The following TNR variants were observed in gnomAD, a reference collection of about 807,000 sequenced individuals.
TNR encodes the protein tenascin-R.
Under a neutral mutation model 150.4 loss-of-function variants are expected in TNR, and 45 were observed. The observed-to-expected ratio is 0.30, with a 90% CI of 0.24 to 0.38. The LOEUF is 0.38. TNR is among the 10% of genes least tolerant of loss of function. TNR has a pLI of 1.00. For synonymous variants in TNR, 687 were observed against 678.4 expected (o/e 1.01, Z -0.20); for missense variants, 1,544 against 1,759.1 (o/e 0.88, Z 2.19).
At chr1:175,649,639 C>T (rs368118264) in intron 1 of TNR, among the ~76,000 whole-genome samples, 32 of 152,214 alleles carry the variant, frequency 2.1e-4, no homozygotes, top group African/African-American at 7.0e-4. Flanking sequence ...CCAGGCATCA[C>T]TTCTTCACAG....
chr1:175,471,451 C>T (rs1026700136), intron 2 of TNR, among the ~76,000 whole-genome samples: 1 of 152,180 alleles, frequency 6.6e-6, no homozygotes, highest in Non-Finnish European at 1.5e-5. Context: ...TGTATGTAGC[C>T]TATTGCTCCT....
At chr1:175,741,905 CACTTGAAGAAAGTGA>C (rs1477799637) in intron 1 of TNR, among the ~76,000 whole-genome samples, 3 of 152,168 alleles carry the variant, frequency 2.0e-5, no homozygotes, top group Non-Finnish European at 4.4e-5. Context: ...TGTCTCAACA[CACTTGAAGAAAGTGA>C]CCAGAACCAT....
chr1:175,706,262 T>C (rs1253526005), intron 1 of TNR, among the ~76,000 whole-genome samples: 1 of 152,182 alleles, frequency 6.6e-6, no homozygotes, highest in Non-Finnish European at 1.5e-5. Flanking sequence ...AATATCAGAA[T>C]GCTATGTGTC....
At chr1:175,422,214 G>C (rs1416452262) in intron 2 of TNR, among the ~76,000 whole-genome samples, 3 of 152,200 alleles carry the variant, frequency 2.0e-5, no homozygotes, top group Non-Finnish European at 2.9e-5. Flanking sequence ...CTCCCTCTCT[G>C]AGCTCCAGCA....
Position 175,323,210 on chromosome 1 carries a change from G to T in TNR, c.*147C>A. On this transcript the variant is annotated 3_prime_UTR_variant, in exon 23 of 23. Transcript: ENST00000367674. ...CAGCAGAAACCAAGAGCAGATGTTA[G>T]CCAGCGGATTCCTGCGACATCCCTG... 1.9e-6 allele frequency: 2 copies of T among 1,048,086 alleles called. No homozygotes were observed. Among genetic ancestry groups the T allele is most frequent in the Non-Finnish European group, 2.7e-6 (2 of 749,386 alleles). The allele number at this position is 1,048,086 out of a possible 1,614,324, so 64.9% of individuals were successfully genotyped here.
chr1:175,636,574 T>C (rs1664497902), intron 1 of TNR, among the ~76,000 whole-genome samples: 1 of 152,196 alleles, frequency 6.6e-6, no homozygotes, highest in African/African-American at 2.4e-5. Context: ...AATCCCAATT[T>C]AAGGGCTATG....
chr1:175,631,740 G>T (rs1032869115), intron 1 of TNR, among the ~76,000 whole-genome samples: 2 of 152,084 alleles, frequency 1.3e-5, no homozygotes, highest in African/African-American at 4.8e-5. Flanking sequence ...TGTGTGTGTT[G>T]TGTATGTGTA....
chr1:175,568,672 A>G (rs1196765549), intron 1 of TNR, among the ~76,000 whole-genome samples: 1 of 152,154 alleles, frequency 6.6e-6, no homozygotes, highest in Non-Finnish European at 1.5e-5. Context: ...GGAGCCCTGC[A>G]AGTCACTTCA....
chr1:175,343,848 T>C (rs16848218), intron 18 of TNR, among the ~76,000 whole-genome samples: 1 of 152,090 alleles, frequency 6.6e-6, no homozygotes, highest in Non-Finnish European at 1.5e-5. Flanking sequence ...TATAGTAATA[T>C]GTAAGGTCCT....
intron 2 of TNR, among the ~76,000 whole-genome samples, chr1:175,521,147 C>A (rs1207369389): frequency 1.3e-5 from 2 of 152,138 alleles, no homozygotes; most frequent in Non-Finnish European, 2.9e-5. Context: ...CTGTGCCAAT[C>A]AAAACACATT....
intron 2 of TNR, among the ~76,000 whole-genome samples, chr1:175,504,602 C>T (rs1459415626): frequency 2.0e-5 from 3 of 152,142 alleles, no homozygotes; most frequent in Non-Finnish European, 2.9e-5. Context: ...CCTGCCCTGT[C>T]AGCTGATGTC....
chr1:175,537,132 G>A (rs1660323020), intron 1 of TNR, among the ~76,000 whole-genome samples: 1 of 152,192 alleles, frequency 6.6e-6, no homozygotes, highest in Non-Finnish European at 1.5e-5. Context: ...AACCTGGAAT[G>A]CCACATTGGA....
intron 1 of TNR, among the ~76,000 whole-genome samples, chr1:175,673,375 C>T (rs1021598834): frequency 2.6e-5 from 4 of 152,198 alleles, no homozygotes; most frequent in African/African-American, 9.7e-5. Context: ...GGATCCTGCC[C>T]TTCAGGGGTT....
chr1:175,689,071 C>T (rs1666282801), intron 1 of TNR, among the ~76,000 whole-genome samples: 1 of 152,244 alleles, frequency 6.6e-6, no homozygotes, highest in Non-Finnish European at 1.5e-5. Context: ...TTCTTGGCAT[C>T]CTGCAGGCCT....
intron 1 of TNR, among the ~76,000 whole-genome samples, chr1:175,664,493 G>A (rs773751663): frequency 7.2e-5 from 11 of 152,196 alleles, no homozygotes; most frequent in Admixed American, 3.9e-4. Flanking sequence ...ATGGGGAGAG[G>A]GAAAGGTGAG....
intron 1 of TNR, among the ~76,000 whole-genome samples, chr1:175,562,518 C>T (rs1040552449): frequency 6.6e-6 from 1 of 152,196 alleles, no homozygotes; most frequent in African/African-American, 2.4e-5. Context: ...GGAGCTGAAC[C>T]ATTGGCAGGG....
chr1:175,715,210 G>A (rs12040338), intron 1 of TNR, among the ~76,000 whole-genome samples: 1 of 152,152 alleles, frequency 6.6e-6, no homozygotes, highest in Non-Finnish European at 1.5e-5. Context: ...CTTTGCTAGG[G>A]CTGGAAGGGA....
At chr1:175,725,816 A>G (rs779115764) in intron 1 of TNR, among the ~76,000 whole-genome samples, 37 of 152,198 alleles carry the variant, frequency 2.4e-4, no homozygotes, top group Non-Finnish European at 2.5e-4. Context: ...TGAATGTTTC[A>G]GGAGCTCAGA....
At chr1:175,345,412 CT>C (rs1197324087) in intron 18 of TNR, among the ~76,000 whole-genome samples, 45 of 152,094 alleles carry the variant, frequency 3.0e-4, no homozygotes, top group Non-Finnish European at 5.4e-4. Context: ...GATTGATCAT[CT>C]GGTACAGAAT....
Sources: allele counts gnomAD v4.1 joint callset (sites outside exome capture counted in the v4.1 genomes callset), GRCh38; gene constraint gnomAD v4.1.1; transcripts MANE v1.5; gene names NCBI Gene and HGNC (gene_info 2026-07-23, HGNC 2026-07-21).